RAPGEF4: variants seen among roughly 807,000 people sequenced by gnomAD.
RAPGEF4 encodes the protein Rap guanine nucleotide exchange factor 4, also known as RAP guanine-nucleotide-exchange factor (GEF) 4.
A neutral mutation model predicts 147.9 loss-of-function variants in RAPGEF4; 66 were observed. The observed-to-expected ratio is 0.45, with a 90% CI of 0.37 to 0.55. The LOEUF (loss-of-function observed/expected upper bound fraction) is 0.55, where lower values mean the gene tolerates loss of function less well. Among genes scored for constraint, RAPGEF4 ranks in the 20% least tolerant of loss-of-function variants. RAPGEF4 has a pLI of 0.00. For synonymous variants in RAPGEF4, 419 were observed against 442.7 expected (o/e 0.95, Z 0.67); for missense variants, 1,071 against 1,257.3 (o/e 0.85, Z 2.24).
rs112468524 is a variant in RAPGEF4 at position 172,745,310 on chromosome 2, A to T, written c.65+9262A>T. 1.6e-4 allele frequency among the ~76,000 whole-genome samples: 24 copies of T among 152,192 alleles called. 3 individuals carry two copies. The highest frequency in any genetic ancestry group is 5.8e-4 in the African/African-American group (24 of 41,568). On this transcript the variant is annotated intron_variant, in intron 1 of 30. Transcript: ENST00000397081. ...TCTTTTCATGTCAGTTTTTATAGTTATTTCAAGGAGTTTGTCCATTTCATC... is the reference window on the plus strand; with the variant it reads ...TCTTTTCATGTCAGTTTTTATAGTTTTTTCAAGGAGTTTGTCCATTTCATC...
Position 172,925,775 on chromosome 2 carries a change from GAA to G in RAPGEF4, c.537+3477_537+3478del, listed in dbSNP as rs966301060. Among the ~76,000 whole-genome samples, 31 of 41,490 alleles carry G rather than the reference GAA, an allele frequency of 7.5e-4. No homozygotes were observed. The East Asian group carries it at 0.013, about 18-fold the overall frequency. 27.2% of individuals were successfully genotyped at this position (41,490 alleles called of 152,430 possible). ...AGAAAGAGAGAAAGGAAGAAAGAAA[GAA>G]AGAGAGAGAGAGAGAGAGAGAAAGA... On this transcript the variant is annotated intron_variant, in intron 6 of 30. Coordinates refer to ENST00000397081, the MANE Select transcript of RAPGEF4 (RefSeq NM_007023.4).
intron 15 of RAPGEF4, among the ~76,000 whole-genome samples, chr2:172,995,251 G>C (rs1204304170): frequency 6.6e-4 from 7 of 10,604 alleles, no homozygotes; most frequent in African/African-American, 8.5e-4. Flanking sequence ...CTGTTTGTGT[G>C]TGTGTGTGTG....
At chr2:172,912,604 G>T (rs1323162067) in intron 4 of RAPGEF4, among the ~76,000 whole-genome samples, 2 of 152,036 alleles carry the variant, frequency 1.3e-5, no homozygotes, top group Non-Finnish European at 2.9e-5. Flanking sequence ...CTTTATTTTT[G>T]AACTCTGCAA....
In RAPGEF4 at chr2:172,988,181, T is replaced by C; in HGVS notation, c.1151-15T>C. The stretch of plus-strand genomic sequence containing the variant: ...TCTATTCTTATCATAAGTCTTTTCA[T>C]CTTTTTGTGTCTAGTGTTTAACCAG... On this transcript the variant is annotated splice_polypyrimidine_tract_variant and intron_variant, in intron 12 of 30. Coordinates refer to ENST00000397081, the MANE Select transcript of RAPGEF4 (RefSeq NM_007023.4). 1 of 1,590,874 alleles carries C rather than the reference T, an allele frequency of 6.3e-7. No individual in the cohort carries two copies. Among genetic ancestry groups the C allele is most frequent in the Non-Finnish European group, 8.5e-7 (1 of 1,174,304 alleles).
intron 1 of RAPGEF4, among the ~76,000 whole-genome samples, chr2:172,789,813 A>G (rs1336051206): frequency 6.6e-6 from 1 of 152,224 alleles, no homozygotes; most frequent in Non-Finnish European, 1.5e-5. Flanking sequence ...GGGGGTAAAT[A>G]ATACTCCATT....
Position 173,052,544 on chromosome 2 carries a change from C to T in RAPGEF4, c.*777C>T, listed in dbSNP as rs571447504. The T allele has an allele frequency of 6.6e-6, 1 of 152,494 alleles. No individual in the cohort carries two copies. The highest frequency in any genetic ancestry group is 1.5e-5 in the Non-Finnish European group (1 of 68,000). 9.4% of individuals were successfully genotyped at this position (152,494 alleles called of 1,614,324 possible). On this transcript the variant is annotated 3_prime_UTR_variant, in exon 31 of 31. Transcript: ENST00000397081. ...ACATTTTTCAAAATTGAAATATTTT[C>T]CTGGGCATTAAAAACCTTTACTATT...
intron 1 of RAPGEF4, among the ~76,000 whole-genome samples, chr2:172,745,057 A>G (rs1257856416): frequency 6.6e-6 from 1 of 152,144 alleles, no homozygotes; most frequent in African/African-American, 2.4e-5. Flanking sequence ...ATATTAGCCT[A>G]TAACTTTCTT....
At chr2:172,828,296 TGACA>T (rs1437564197) in intron 4 of RAPGEF4, among the ~76,000 whole-genome samples, 1 of 152,062 alleles carries the variant, frequency 6.6e-6, no homozygotes, top group African/African-American at 2.4e-5. Context: ...GACAGAAATG[TGACA>T]GACAGGAAGA....
intron 1 of RAPGEF4, among the ~76,000 whole-genome samples, chr2:172,774,645 C>T (rs1683980780): frequency 6.6e-6 from 1 of 152,206 alleles, no homozygotes. Flanking sequence ...TCACTCTTAT[C>T]TCATATAGCT....
At chr2:172,771,649 T>TA (rs1355152955) in intron 1 of RAPGEF4, among the ~76,000 whole-genome samples, 1 of 152,146 alleles carries the variant, frequency 6.6e-6, no homozygotes, top group Non-Finnish European at 1.5e-5. Flanking sequence ...CTCACTATAT[T>TA]GCCCAGGCTT....
intron 17 of RAPGEF4, among the ~76,000 whole-genome samples, chr2:173,014,040 A>T (rs1695274808): frequency 6.6e-6 from 1 of 152,170 alleles, no homozygotes; most frequent in African/African-American, 2.4e-5. Flanking sequence ...AAATGCATGT[A>T]ACAAAGGGGA....
chr2:172,982,750 G>C (rs547985210), intron 10 of RAPGEF4, among the ~76,000 whole-genome samples: 10 of 152,264 alleles, frequency 6.6e-5, no homozygotes, highest in Admixed American at 6.5e-4. Flanking sequence ...GTCCTTGAAG[G>C]CATGTTATTG....
At chr2:172,755,287 T>A (rs1174883806) in intron 1 of RAPGEF4, among the ~76,000 whole-genome samples, 1 of 152,198 alleles carries the variant, frequency 6.6e-6, no homozygotes, top group African/African-American at 2.4e-5. Context: ...CAAAGAGGAA[T>A]GGTTTAGTGA....
In RAPGEF4 at chr2:172,900,300, C is replaced by T. The variant is rs188305678; in HGVS notation, c.445-17502C>T. On this transcript the variant is annotated intron_variant, in intron 4 of 30. Coordinates refer to ENST00000397081, the MANE Select transcript of RAPGEF4 (RefSeq NM_007023.4). ...TGTCACCCAGTGTGGAGTGCAGTGGCGTGATCATAGCTTACCCTAACTTCC... is the reference window on the plus strand; with the variant it reads ...TGTCACCCAGTGTGGAGTGCAGTGGTGTGATCATAGCTTACCCTAACTTCC... 1.8e-4 allele frequency among the ~76,000 whole-genome samples: 27 copies of T among 152,260 alleles called. 1 individual carries two copies. In the South Asian group the frequency reaches 5.0e-3, roughly 28 times the overall value.
At chr2:172,929,282 A>T (rs1685681660) in intron 6 of RAPGEF4, among the ~76,000 whole-genome samples, 1 of 152,250 alleles carries the variant, frequency 6.6e-6, no homozygotes, top group South Asian at 2.1e-4. Flanking sequence ...TCTACCAACA[A>T]TTCTGTGTCA....
At chr2:173,014,920 T>G (rs958473188) in intron 18 of RAPGEF4, among the ~76,000 whole-genome samples, 1 of 152,216 alleles carries the variant, frequency 6.6e-6, no homozygotes, top group African/African-American at 2.4e-5. Context: ...TTATTTGATA[T>G]AAGGATTTTT....
In RAPGEF4 at chr2:172,945,515, G is replaced by GA. The variant is rs1192049149; in HGVS notation, c.538-15239dup. 2.1e-4 allele frequency among the ~76,000 whole-genome samples: 32 copies of GA among 151,994 alleles called. 1 individual carries two copies. The highest frequency in any genetic ancestry group is 2.0e-3 in the Admixed American group (30 of 15,236). On this transcript the variant is annotated intron_variant, in intron 6 of 30. Transcript: ENST00000397081. ...TTTGCCTACTAGATTGTTTGAGGTA[G>GA]AAAAAAGTCTTTTACAATTTTCAAT...
intron 4 of RAPGEF4, among the ~76,000 whole-genome samples, chr2:172,898,848 G>A (rs954463077): frequency 1.3e-5 from 2 of 152,178 alleles, no homozygotes; most frequent in African/African-American, 2.4e-5. Context: ...ACGTGTTTAG[G>A]TGAGAAAGTG....
chr2:173,011,170 G>GCACACACA (rs1553548086), intron 17 of RAPGEF4, among the ~76,000 whole-genome samples: 42 of 133,566 alleles, frequency 3.1e-4, no homozygotes, highest in Admixed American at 2.0e-3. Flanking sequence ...GCGCGCGCGC[G>GCACACACA]CACACACACA....
Sources: allele counts gnomAD v4.1 joint callset (sites outside exome capture counted in the v4.1 genomes callset), GRCh38; gene constraint gnomAD v4.1.1; transcripts MANE v1.5; gene names NCBI Gene and HGNC (gene_info 2026-07-23, HGNC 2026-07-21).